TMEM135: variants seen among roughly 807,000 people sequenced by gnomAD.
The protein encoded by TMEM135 is transmembrane protein 135.
TMEM135 carries 30 observed loss-of-function variants against 60.3 expected under a neutral mutation model. The ratio of observed to expected loss-of-function variants is 0.50; its 90% CI spans 0.37 to 0.68. The LOEUF (loss-of-function observed/expected upper bound fraction) is 0.68, where lower values mean the gene tolerates loss of function less well. TMEM135 is among the 30% of genes least tolerant of loss of function. The pLI, the probability that TMEM135 is intolerant of heterozygous loss-of-function variation, is 0.00. For synonymous variants in TMEM135, 190 were observed against 186.7 expected, an observed-to-expected ratio of 1.02 and a Z score of -0.14; for missense variants, 468 against 548.8, an observed-to-expected ratio of 0.85 and a Z score of 1.47.
chr11:87,077,769 C>T (rs1358075854), intron 3 of TMEM135, among the ~76,000 whole-genome samples: 1 of 152,212 alleles, frequency 6.6e-6, no homozygotes, highest in Non-Finnish European at 1.5e-5. Flanking sequence ...ATCCTCCTCA[C>T]CCAGCCCTAG....
chr11:87,129,213 A>ATTTTTTTTTTTTTTTTTTTTTTT lies in TMEM135; in HGVS notation c.397-28103_397-28081dup, dbSNP rs71040295. On this transcript the variant is annotated intron_variant, in intron 4 of 14. Coordinates refer to ENST00000305494, the MANE Select transcript of TMEM135 (RefSeq NM_022918.4). ...TTCTATACATGTTCCTTATTCCTTA[A>ATTTTTTTTTTTTTTTTTTTTTTT]TTTTTTTTTTTTTTTTTTTTTTTTT... Among the ~76,000 whole-genome samples the ATTTTTTTTTTTTTTTTTTTTTTT allele has an allele frequency of 9.5e-5, 11 of 116,158 alleles. 1 individual carries two copies. Among genetic ancestry groups the ATTTTTTTTTTTTTTTTTTTTTTT allele is most frequent in the East Asian group, 2.2e-4 (1 of 4,612 alleles). 76.2% of individuals were successfully genotyped at this position (116,158 alleles called of 152,430 possible).
At chr11:87,246,422 T>C (rs1228725894) in intron 6 of TMEM135, among the ~76,000 whole-genome samples, 1 of 152,118 alleles carries the variant, frequency 6.6e-6, no homozygotes, top group African/African-American at 2.4e-5. Flanking sequence ...GGGGAAGTTC[T>C]CCTGGATAAT....
At chr11:87,067,095 AT>A (rs1856679769) in intron 1 of TMEM135, among the ~76,000 whole-genome samples, 1 of 143,658 alleles carries the variant, frequency 7.0e-6, no homozygotes, top group Admixed American at 7.0e-5. Flanking sequence ...TCTTAATATT[AT>A]TTTTTCAGGT....
intron 10 of TMEM135, among the ~76,000 whole-genome samples, chr11:87,311,307 A>G (rs1942638163): frequency 6.6e-6 from 1 of 151,942 alleles, no homozygotes; most frequent in Non-Finnish European, 1.5e-5. Context: ...TAGATAATGA[A>G]TCACTTGTTA....
At chr11:87,200,255 A>T (rs1940064955) in intron 5 of TMEM135, among the ~76,000 whole-genome samples, 1 of 152,204 alleles carries the variant, frequency 6.6e-6, no homozygotes, top group Admixed American at 6.5e-5. Flanking sequence ...CACAGGTTTT[A>T]GACTCTTCTA....
intron 4 of TMEM135, among the ~76,000 whole-genome samples, chr11:87,111,105 T>C (rs1857733017): frequency 6.6e-6 from 1 of 152,174 alleles, no homozygotes; most frequent in Non-Finnish European, 1.5e-5. Context: ...CTATAGAGTA[T>C]ATGTAGAAGC....
At chr11:87,286,108 G>A (rs1401488473) in intron 6 of TMEM135, among the ~76,000 whole-genome samples, 1 of 152,144 alleles carries the variant, frequency 6.6e-6, no homozygotes, top group Non-Finnish European at 1.5e-5. Flanking sequence ...ATGCTGATTG[G>A]TGTATTTACG....
chr11:87,222,180 T>TAAAAAAAAAAA (rs1565491298), intron 5 of TMEM135, among the ~76,000 whole-genome samples: 1 of 13,882 alleles, frequency 7.2e-5, no homozygotes, highest in Non-Finnish European at 2.2e-4. Flanking sequence ...AGACTCTGTC[T>TAAAAAAAAAAA]CAAAAAAAAA....
At chr11:87,090,273 A>G (rs570513611) in intron 3 of TMEM135, among the ~76,000 whole-genome samples, 30 of 152,292 alleles carry the variant, frequency 2.0e-4, no homozygotes, top group African/African-American at 7.2e-4. Context: ...TAGTCCCTCA[A>G]ATGTTCCCTA....
At chr11:87,132,169 T>C (rs1462798273) in intron 4 of TMEM135, among the ~76,000 whole-genome samples, 1 of 152,050 alleles carries the variant, frequency 6.6e-6, no homozygotes, top group Non-Finnish European at 1.5e-5. Flanking sequence ...TGTGCTTGAA[T>C]CATCCTAAAA....
At chr11:87,067,047 T>C (rs1437499320) in intron 1 of TMEM135, among the ~76,000 whole-genome samples, 1 of 150,910 alleles carries the variant, frequency 6.6e-6, no homozygotes, top group East Asian at 1.9e-4. Flanking sequence ...CCCAAAGTAC[T>C]GGGATTACAG....
intron 6 of TMEM135, among the ~76,000 whole-genome samples, chr11:87,292,758 C>T (rs1942288982): frequency 6.6e-6 from 1 of 152,198 alleles, no homozygotes; most frequent in African/African-American, 2.4e-5. Flanking sequence ...AGAATAGCCT[C>T]TTTTGAATCC....
intron 4 of TMEM135, among the ~76,000 whole-genome samples, chr11:87,150,610 T>C (rs1938534469): frequency 6.6e-6 from 1 of 152,250 alleles, no homozygotes; most frequent in South Asian, 2.1e-4. Context: ...CTACCTTATG[T>C]TTTTTTCATA....
intron 1 of TMEM135, among the ~76,000 whole-genome samples, chr11:87,065,103 CG>C (rs1856624938): frequency 6.6e-6 from 1 of 152,090 alleles, no homozygotes; most frequent in South Asian, 2.1e-4. Context: ...TGAAGGGCAT[CG>C]GGGTTGTTTC....
intron 5 of TMEM135, among the ~76,000 whole-genome samples, chr11:87,199,652 A>G (rs665733): frequency 0.13 from 20,031 of 152,160 alleles, 1,374 homozygotes; most frequent in Non-Finnish European, 0.15. Flanking sequence ...GTTTGTGGCT[A>G]GGAGCGGTGG....
intron 4 of TMEM135, among the ~76,000 whole-genome samples, chr11:87,128,303 G>A (rs138144973): frequency 4.0e-4 from 61 of 152,190 alleles, no homozygotes; most frequent in African/African-American, 1.3e-3. Context: ...ACATGTTTAC[G>A]TATTTGCTTC....
At chr11:87,115,968 A>G (rs1345106217) in intron 4 of TMEM135, among the ~76,000 whole-genome samples, 1 of 152,044 alleles carries the variant, frequency 6.6e-6, no homozygotes, top group Admixed American at 6.6e-5. Context: ...AAAAATATTA[A>G]TCTATTTTTA....
intron 4 of TMEM135, among the ~76,000 whole-genome samples, chr11:87,129,700 C>T (rs965822344): frequency 2.6e-5 from 4 of 151,872 alleles, no homozygotes; most frequent in Non-Finnish European, 5.9e-5. Context: ...GCCCCCACAC[C>T]TGGCTAATTT....
At chr11:87,195,382 CTTCCTTCCTT>C (rs1565482187) in intron 5 of TMEM135, among the ~76,000 whole-genome samples, 1 of 67,140 alleles carries the variant, frequency 1.5e-5, no homozygotes, top group African/African-American at 5.6e-5. Context: ...TCCTTCCTTC[CTTCCTTCCTT>C]CTCTCTCTCT....
Sources: gnomAD v4.1 joint callset for allele counts (sites outside exome capture counted in the v4.1 genomes callset) on GRCh38, gnomAD v4.1.1 for gene constraint, MANE v1.5 for transcripts, NCBI Gene and HGNC (gene_info 2026-07-23, HGNC 2026-07-21) for gene names.